Variants in MAPKAPK5 observed in about 807,000 individuals in gnomAD.
MAPKAPK5 encodes the protein MAP kinase-activated protein kinase 5.
Under a neutral mutation model 65.1 loss-of-function variants are expected in MAPKAPK5, and 30 were observed. The observed-to-expected ratio is 0.46, with a 90% CI of 0.34 to 0.63. The LOEUF is 0.63. Among genes scored for constraint, MAPKAPK5 ranks in the 20% least tolerant of loss-of-function variants. The probability of loss-of-function intolerance (pLI) is 0.01; values close to 1 mark genes in which losing one functional copy is unlikely to be tolerated. For synonymous variants in MAPKAPK5, 179 were observed against 204.6 expected, an observed-to-expected ratio of 0.87 and a Z score of 1.07; for missense variants, 433 against 581.4, an observed-to-expected ratio of 0.74 and a Z score of 2.63.
chr12:111,864,514 ATAAG>A (rs1352133054), intron 1 of MAPKAPK5, among the ~76,000 whole-genome samples: 1 of 152,300 alleles, frequency 6.6e-6, no homozygotes, highest in African/African-American at 2.4e-5. Flanking sequence ...CTTATAATAA[ATAAG>A]TGAGTGAATG....
intron 1 of MAPKAPK5, chr12:111,843,301 C>G (rs2068790248): frequency 2.5e-6 from 1 of 398,626 alleles, no homozygotes; most frequent in Non-Finnish European, 4.4e-6. Context: ...CCTCTTCTTT[C>G]TCCTAGGAAG....
At chr12:111,847,781 C>T (rs1388188713) in intron 1 of MAPKAPK5, among the ~76,000 whole-genome samples, 1 of 152,190 alleles carries the variant, frequency 6.6e-6, no homozygotes, top group Non-Finnish European at 1.5e-5. Flanking sequence ...TGGTTGCAGT[C>T]AGCCCTGTTC....
chr12:111,889,225 T>C, intron 12 of MAPKAPK5: 1 of 454,262 alleles, frequency 2.2e-6, no homozygotes, highest in East Asian at 3.6e-5. Flanking sequence ...CTCCTTTGTT[T>C]CTGTGGAATT....
chr12:111,846,535 G>T (rs529681237), intron 1 of MAPKAPK5, among the ~76,000 whole-genome samples: 2 of 145,484 alleles, frequency 1.4e-5, no homozygotes, highest in East Asian at 2.1e-4. Context: ...TTGCTCTGAT[G>T]CCCAGGCTGG....
intron 1 of MAPKAPK5, among the ~76,000 whole-genome samples, chr12:111,855,223 A>G (rs1486372043): frequency 1.3e-5 from 2 of 151,982 alleles, no homozygotes; most frequent in Non-Finnish European, 2.9e-5. Context: ...CAAATAATCA[A>G]CTTTTGGTTT....
chr12:111,845,057 A>C (rs1038162394), intron 1 of MAPKAPK5, among the ~76,000 whole-genome samples: 1 of 152,202 alleles, frequency 6.6e-6, no homozygotes, highest in South Asian at 2.1e-4. Flanking sequence ...GGAGATAAGT[A>C]TACAAATAGG....
chr12:111,864,158 C>T (rs1044630604), intron 1 of MAPKAPK5, among the ~76,000 whole-genome samples: 6 of 151,820 alleles, frequency 4.0e-5, no homozygotes, highest in African/African-American at 1.2e-4. Flanking sequence ...GCCTGTTTTC[C>T]TAGTTACTTG....
chr12:111,890,680 C>T (rs540887755), intron 13 of MAPKAPK5, among the ~76,000 whole-genome samples: 4 of 152,302 alleles, frequency 2.6e-5, no homozygotes, highest in South Asian at 2.1e-4. Context: ...TTTCTTGAGG[C>T]GGAGTTTCAC....
At chr12:111,843,160 T>C (rs1345574635) in intron 1 of MAPKAPK5, 1 of 398,522 alleles carries the variant, frequency 2.5e-6, no homozygotes, top group African/African-American at 2.1e-5. Context: ...AATTTATCCA[T>C]CCCTCCCGAT....
At chr12:111,867,065 G>A (rs2069638523) in intron 3 of MAPKAPK5, among the ~76,000 whole-genome samples, 2 of 152,182 alleles carry the variant, frequency 1.3e-5, no homozygotes, top group African/African-American at 4.8e-5. Context: ...GAGTAGCTGG[G>A]ACCACAGGCA....
rs767568002 is a variant in MAPKAPK5 at position 111,842,773 on chromosome 12, A to G, written c.36+4A>G. ...CGACATGGACAAAGCCATCAAGGTAAGGGGGAGGTGCCCCCTCTTCCCCCG... is the reference window on the plus strand; with the variant it reads ...CGACATGGACAAAGCCATCAAGGTAGGGGGGAGGTGCCCCCTCTTCCCCCG... On this transcript the variant is annotated splice_donor_region_variant and intron_variant, in intron 1 of 13. Transcript: ENST00000550735. 1 of 1,328,890 alleles carries G rather than the reference A, an allele frequency of 7.5e-7. No individual in the cohort carries two copies. The highest frequency in any genetic ancestry group is 2.8e-5 in the East Asian group (1 of 35,688). The allele number at this position is 1,328,890 out of a possible 1,614,324, so 82.3% of individuals were successfully genotyped here.
chr12:111,893,673 G>C lies in MAPKAPK5; in HGVS notation c.*612G>C, dbSNP rs937253300. 6.7e-6 allele frequency: 1 copy of C among 149,086 alleles called. No homozygotes were observed. The highest frequency in any genetic ancestry group is 1.5e-5 in the Non-Finnish European group (1 of 67,306). The allele number at this position is 149,086 out of a possible 1,614,324, so 9.2% of individuals were successfully genotyped here. On this transcript the variant is annotated 3_prime_UTR_variant, in exon 14 of 14. Coordinates refer to ENST00000550735, the MANE Select transcript of MAPKAPK5 (RefSeq NM_003668.4). ...TCATATCTGTTAAAAGGGTACTGGT[G>C]TGTTTCTTAAATCTAACAGGGTTTT...
intron 8 of MAPKAPK5, among the ~76,000 whole-genome samples, chr12:111,882,068 T>C (rs1009091588): frequency 2.0e-5 from 3 of 152,148 alleles, no homozygotes; most frequent in Non-Finnish European, 4.4e-5. Flanking sequence ...CATCCACAAA[T>C]ATCTACTAGT....
chr12:111,885,925 G>A lies in MAPKAPK5; in HGVS notation c.858G>A (p.Lys286=). 1.2e-6 allele frequency: 2 copies of A among 1,613,964 alleles called. No individual in the cohort carries two copies. Among genetic ancestry groups the A allele is most frequent in the South Asian group, 2.2e-5 (2 of 91,070 alleles). ...GGCGTTTTCTCCACAGGCTCCTGAA[G>A]GTCAAACCGGAGGAGAGACTCACCA... is the stretch of plus-strand genomic sequence containing the variant. The part of the protein sequence containing the change: ...MAKDVVRKLL[K]VKPEERLTIE... Residue 286 remains lysine (K), a synonymous_variant, in exon 10 of 14, where the codon AAG becomes AAA. Coordinates refer to ENST00000550735, the MANE Select transcript of MAPKAPK5 (RefSeq NM_003668.4).
At position 111,842,936 on chromosome 12, in the gene MAPKAPK5, A is replaced by G. The variant is rs879153821; in HGVS notation, c.36+167A>G. 2.8e-5 allele frequency: 15 copies of G among 535,120 alleles called. No individual in the cohort carries two copies. In the South Asian group the frequency reaches 1.2e-3, roughly 43 times the overall value. The allele number at this position is 535,120 out of a possible 1,614,324, so 33.1% of individuals were successfully genotyped here. A position where few individuals can be genotyped will look rare whatever the true frequency, so the allele number is the denominator to read the frequency against. On this transcript the variant is annotated intron_variant, in intron 1 of 13. Transcript: ENST00000550735. ...CTTTACAGCCCTGGGGCCAAGGGTTATGGGTGTGGGTGTAGGTGTGTGTCC... is the reference window on the plus strand; with the variant it reads ...CTTTACAGCCCTGGGGCCAAGGGTTGTGGGTGTGGGTGTAGGTGTGTGTCC...
intron 1 of MAPKAPK5, among the ~76,000 whole-genome samples, chr12:111,855,263 T>C (rs1385313858): frequency 6.6e-6 from 1 of 152,162 alleles, no homozygotes; most frequent in Non-Finnish European, 1.5e-5. Context: ...TTCTGTATTC[T>C]GTTTTATAGC....
At position 111,888,537 on chromosome 12, in the gene MAPKAPK5, T is replaced by C; in HGVS notation, c.1019T>C (p.Met340Thr). The C allele has an allele frequency of 6.2e-7, 1 of 1,613,766 alleles. No homozygotes were observed. Among genetic ancestry groups the C allele is most frequent in the South Asian group, 1.1e-5 (1 of 91,076 alleles). Residue 340 changes from methionine (M) to threonine (T), a missense_variant, in exon 11 of 14, where the codon ATG becomes ACG. By Grantham distance (81) the Met-to-Thr change is moderately conservative. Transcript: ENST00000550735. Reference sequence around the variant, plus strand: ...GCTCACGCGGAACAGTTGGCCAACATGAGAATCCAGGATCTGAAAGTCAGC... The same window carrying C: ...GCTCACGCGGAACAGTTGGCCAACACGAGAATCCAGGATCTGAAAGTCAGC... Reference protein sequence around the residue: ...QQAHAEQLANMRIQDLKVSLK... With the variant: ...QQAHAEQLANTRIQDLKVSLK...
intron 1 of MAPKAPK5, among the ~76,000 whole-genome samples, chr12:111,858,497 T>C (rs2069320150): frequency 6.6e-6 from 1 of 152,066 alleles, no homozygotes; most frequent in Non-Finnish European, 1.5e-5. Context: ...TGTATTTTCA[T>C]GTTCACTAAT....
intron 13 of MAPKAPK5, among the ~76,000 whole-genome samples, chr12:111,890,425 A>C (rs566653627): frequency 7.2e-5 from 11 of 152,186 alleles, no homozygotes; most frequent in South Asian, 4.2e-4. Flanking sequence ...GGTAAAAAAA[A>C]CCCCCAAATT....
Sources: allele counts gnomAD v4.1 joint callset (sites outside exome capture counted in the v4.1 genomes callset), GRCh38; gene constraint gnomAD v4.1.1; transcripts MANE v1.5; gene names NCBI Gene and HGNC (gene_info 2026-07-23, HGNC 2026-07-21).